Variants in GGA3 observed in about 807,000 individuals in gnomAD.
The protein encoded by GGA3 is ADP-ribosylation factor-binding protein GGA3.
Under a neutral mutation model 77.5 loss-of-function variants are expected in GGA3, and 57 were observed. The ratio of observed to expected loss-of-function variants is 0.74; its 90% confidence interval spans 0.59 to 0.92. The LOEUF (loss-of-function observed/expected upper bound fraction) is 0.92, where lower values mean the gene tolerates loss of function less well. Ranked by LOEUF, GGA3 falls within the 40% of genes least tolerant of loss-of-function variation. The probability of loss-of-function intolerance (pLI) is 0.00; values close to 1 mark genes in which losing one functional copy is unlikely to be tolerated. For synonymous variants in GGA3, 416 were observed against 383.7 expected (o/e 1.08, Z -0.98); for missense variants, 970 against 914.9 (o/e 1.06, Z -0.78).
At chr17:75,257,469 A>G (rs970690993) in intron 1 of GGA3, among the ~76,000 whole-genome samples, 4 of 152,026 alleles carry the variant, frequency 2.6e-5, no homozygotes, top group South Asian at 2.1e-4. Context: ...CTCTTGAAGT[A>G]AATAAATAAT....
chr17:75,245,755 A>C (rs1041037710), intron 3 of GGA3, among the ~76,000 whole-genome samples: 3 of 151,850 alleles, frequency 2.0e-5, no homozygotes, highest in African/African-American at 7.3e-5. Context: ...GAATTCCCTT[A>C]AGCGATCCTC....
chr17:75,241,559 T>C, intron 9 of GGA3, 43 bp from the exon 10 acceptor site: 1 of 1,602,012 alleles, frequency 6.2e-7, no homozygotes, highest in Non-Finnish European at 8.6e-7. Flanking sequence ...TTGTGACAGT[T>C]CCCACCCACA....
intron 1 of GGA3, among the ~76,000 whole-genome samples, chr17:75,250,893 C>T (rs1476209475): frequency 6.6e-6 from 1 of 151,806 alleles, no homozygotes; most frequent in Non-Finnish European, 1.5e-5. Context: ...ACCAGCCTGA[C>T]CAACATGGTG....
chr17:75,240,275 G>T, intron 12 of GGA3, 67 bp downstream of exon 12: 1 of 1,239,988 alleles, frequency 8.1e-7, no homozygotes, highest in Non-Finnish European at 1.2e-6. Context: ...CTGCAGCCCA[G>T]GAGACATGAC....
rs1432770034 is a variant in GGA3 at position 75,239,559 on chromosome 17, C to T, written c.1596G>A (p.Leu532=). The change falls in exon 14 of 17, where the codon TTG becomes TTA. Residue 532 remains leucine (L), a synonymous_variant. Transcript: ENST00000537686. ...LLEEAKVTSG[L]VKPTTSPLIP... is the part of the protein sequence containing the mutation. ...TGAGAGGGGAGGTAGTGGGTTTCAC[C>T]AAGCCCGAGGTCCTGGGAGGTGGGA... The T allele has an allele frequency of 6.4e-7, 1 of 1,556,894 alleles. No individual in the cohort carries two copies. Among genetic ancestry groups the T allele is most frequent in the Non-Finnish European group, 8.7e-7 (1 of 1,150,290 alleles).
At position 75,246,540 on chromosome 17, in the gene GGA3, G is replaced by A. The variant is rs1443339124; in HGVS notation, c.170C>T (p.Pro57Leu). 2 of 1,613,648 alleles carry A rather than the reference G, an allele frequency of 1.2e-6. No individual in the cohort carries two copies. Among genetic ancestry groups the A allele is most frequent in the Admixed American group, 1.7e-5 (1 of 60,032 alleles). ...GGCCTGGAGCGCCTCCCATTCCTGT[G>A]GGGACTGGATCTTGTGGGCCAGCAG... ...VRLLAHKIQSPQEWEALQALT... is the reference protein window; with the variant it reads ...VRLLAHKIQSLQEWEALQALT... The change falls in exon 3 of 17, where the codon CCA becomes CTA. Residue 57 changes from proline to leucine, a missense_variant. Coordinates refer to ENST00000537686, the MANE Select transcript of GGA3 (RefSeq NM_138619.4).
intron 1 of GGA3, among the ~76,000 whole-genome samples, chr17:75,253,618 C>T (rs1029564702): frequency 1.3e-5 from 2 of 152,244 alleles, no homozygotes; most frequent in African/African-American, 2.4e-5. Flanking sequence ...TCACCCTTAG[C>T]GGTAAGTCCC....
intron 2 of GGA3, 37 bp downstream of exon 2, chr17:75,246,675 G>GGA (rs1567792520): frequency 6.3e-7 from 1 of 1,595,132 alleles, no homozygotes; most frequent in South Asian, 1.1e-5. Flanking sequence ...TTCCCAGTCC[G>GGA]CTCCCTCTCA....
Position 75,237,462 on chromosome 17 carries a change from G to A in GGA3, c.*817C>T, listed in dbSNP as rs1466962267. On this transcript the variant is annotated 3_prime_UTR_variant, in exon 17 of 17. Transcript: ENST00000537686. ...TAGCAGTTTATTTCATGCCAAGCAA[G>A]AGGTAGTCAGTAGGATGGCCTGTCC... 17 of 1,533,010 alleles carry A rather than the reference G, an allele frequency of 1.1e-5. No homozygotes were observed. Among genetic ancestry groups the A allele is most frequent in the Non-Finnish European group, 1.5e-5 (17 of 1,144,048 alleles). The allele number at this position is 1,533,010 out of a possible 1,614,324, so 95.0% of individuals were successfully genotyped here.
chr17:75,243,671 G>T, intron 4 of GGA3, 101 bp from the exon 5 acceptor site: 1 of 1,188,632 alleles, frequency 8.4e-7, no homozygotes, highest in Non-Finnish European at 1.2e-6. Flanking sequence ...CAGCAGCTAT[G>T]GTCCTACTCA....
chr17:75,244,760 G>T, intron 3 of GGA3, 43 bp from the exon 4 acceptor site: 1 of 1,332,836 alleles, frequency 7.5e-7, no homozygotes. Context: ...GGGCGTGCTC[G>T]GGGCTGGAAC....
Position 75,238,037 on chromosome 17 carries a change from C to CG in GGA3, c.*241_*242insC. ...AGCAGTGAAGTCAGGGGCCACTCCG[C>CG]ACCCCTGACAGCATATGGCCACTTC... On this transcript the variant is annotated 3_prime_UTR_variant, in exon 17 of 17. Transcript: ENST00000537686. 7.6e-7 allele frequency: 1 copy of CG among 1,313,850 alleles called. No homozygotes were observed. The highest frequency in any genetic ancestry group is 3.1e-5 in the East Asian group (1 of 32,318). 81.4% of individuals were successfully genotyped at this position (1,313,850 alleles called of 1,614,324 possible). A position where few individuals can be genotyped will look rare whatever the true frequency, so the allele number is the denominator to read the frequency against.
Position 75,261,559 on chromosome 17 carries a change from T to A in GGA3, c.29A>T (p.Glu10Val), listed in dbSNP as rs752837843. Residue 10 changes from glutamate to valine, a missense_variant, in exon 1 of 17, where the codon GAG becomes GTG. Physicochemically the swap from Glu to Val is moderately radical, Grantham distance 121. Transcript: ENST00000537686. MAEAEGESL[E>V]SWLNKATNPS... ...CCGCGGCTACTCACTGAGCCAGGAC[T>A]CCAGGCTTTCCCCTTCCGCCTCCGC... is the stretch of plus-strand genomic sequence containing the variant. 6 of 1,552,064 alleles carry A rather than the reference T, an allele frequency of 3.9e-6. No homozygotes were observed. In the South Asian group the frequency reaches 7.2e-5, roughly 19 times the overall value.
chr17:75,255,616 T>C (rs74617667), intron 1 of GGA3, among the ~76,000 whole-genome samples: 2 of 152,358 alleles, frequency 1.3e-5, no homozygotes, highest in African/African-American at 4.8e-5. Flanking sequence ...ACATGCCTGC[T>C]ACAGCATGGC....
Position 75,238,653 on chromosome 17 carries a change from T to G in GGA3, c.2060A>C (p.Lys687Thr), listed in dbSNP as rs1217492840. The change falls in exon 16 of 17, where the codon AAG (lysine) becomes ACG (threonine). Residue 687 changes from lysine (K) to threonine (T), a missense_variant and splice_region_variant. Coordinates refer to ENST00000537686, the MANE Select transcript of GGA3 (RefSeq NM_138619.4). ...TQVMLLANPL[K>T]EKVRLRYKLT... The stretch of plus-strand genomic sequence containing the variant: ...ACCCCTGGGTTCTTTGCTGCTCACC[T>G]TCAGTGGATTGGCCAGCAACATGAC... 1.9e-6 allele frequency: 3 copies of G among 1,608,108 alleles called. No individual in the cohort carries two copies. Among genetic ancestry groups the G allele is most frequent in the Non-Finnish European group, 1.7e-6 (2 of 1,175,534 alleles).
At chr17:75,251,338 T>C (rs1281749783) in intron 1 of GGA3, among the ~76,000 whole-genome samples, 1 of 68,366 alleles carries the variant, frequency 1.5e-5, no homozygotes, top group Non-Finnish European at 3.0e-5. Flanking sequence ...GTTCAATACA[T>C]GAAAAAAAAA....
At chr17:75,250,581 G>T (rs2076927093) in intron 1 of GGA3, among the ~76,000 whole-genome samples, 1 of 151,498 alleles carries the variant, frequency 6.6e-6, no homozygotes, top group Admixed American at 6.6e-5. Flanking sequence ...TGTTCAACAT[G>T]GTGAAATCCT....
At chr17:75,259,997 G>T (rs1220979852) in intron 1 of GGA3, among the ~76,000 whole-genome samples, 1 of 152,076 alleles carries the variant, frequency 6.6e-6, no homozygotes, top group African/African-American at 2.4e-5. Context: ...AAAATCAAAA[G>T]AATTAGCCAA....
intron 1 of GGA3, among the ~76,000 whole-genome samples, chr17:75,253,066 A>C (rs1281142449): frequency 6.6e-6 from 1 of 152,106 alleles, no homozygotes; most frequent in Non-Finnish European, 1.5e-5. Flanking sequence ...TGGTGCCATG[A>C]CTCGGATCGC....
Sources: allele counts gnomAD v4.1 joint callset (sites outside exome capture counted in the v4.1 genomes callset), GRCh38; gene constraint gnomAD v4.1.1; transcripts MANE v1.5; gene names NCBI Gene and HGNC (gene_info 2026-07-23, HGNC 2026-07-21).